Variants in SYNDIG1L observed in about 807,000 individuals in gnomAD.
The protein encoded by SYNDIG1L is synapse differentiation-inducing gene protein 1-like.
In SYNDIG1L, 13 loss-of-function variants were observed where a neutral mutation model predicts 20.1. The ratio of observed to expected loss-of-function variants is 0.65; its 90% confidence interval spans 0.42 to 1.03. SYNDIG1L has a LOEUF of 1.03. SYNDIG1L is among the 50% of genes least tolerant of loss of function. The probability of loss-of-function intolerance (pLI) is 0.00; values close to 1 mark genes in which losing one functional copy is unlikely to be tolerated. For synonymous variants in SYNDIG1L, 128 were observed against 129.3 expected (o/e 0.99, Z 0.07); for missense variants, 294 against 305.1 (o/e 0.96, Z 0.27).
At chr14:74,476,596 CAGA>C in the SYNDIG1L span, 2 of 1,534,190 alleles carry the variant, frequency 1.3e-6, no homozygotes, top group African/African-American at 1.4e-5. Flanking sequence ...GGAACATCTG[CAGA>C]AAGTAGAAGA....
the SYNDIG1L span, among the ~76,000 whole-genome samples, chr14:74,443,463 T>C: frequency 4.6e-5 from 7 of 151,868 alleles, no homozygotes; most frequent in Non-Finnish European, 4.4e-5. Flanking sequence ...TGAGAGGAAA[T>C]AACCACAGTA....
the SYNDIG1L span, among the ~76,000 whole-genome samples, chr14:74,455,144 G>A: frequency 6.6e-6 from 1 of 152,202 alleles, no homozygotes; most frequent in African/African-American, 2.4e-5. Flanking sequence ...GCCTGTCCTG[G>A]AGATTTCAGA....
chr14:74,453,889 TG>T, the SYNDIG1L span, among the ~76,000 whole-genome samples: 2 of 151,952 alleles, frequency 1.3e-5, no homozygotes, highest in Non-Finnish European at 2.9e-5. Flanking sequence ...TGCTTGAAAC[TG>T]GGGAGGCGGA....
At chr14:74,440,238 G>T in the SYNDIG1L span, among the ~76,000 whole-genome samples, 1 of 151,002 alleles carries the variant, frequency 6.6e-6, no homozygotes, top group Non-Finnish European at 1.5e-5. Context: ...AATTAAGGCC[G>T]GGCGCGGTGG....
the SYNDIG1L span, among the ~76,000 whole-genome samples, chr14:74,466,845 C>T: frequency 6.6e-6 from 1 of 152,224 alleles, no homozygotes; most frequent in Non-Finnish European, 1.5e-5. Flanking sequence ...ATTGCTCAAT[C>T]ACACATTGGA....
At chr14:74,454,990 A>G in the SYNDIG1L span, among the ~76,000 whole-genome samples, 1 of 152,218 alleles carries the variant, frequency 6.6e-6, no homozygotes, top group Non-Finnish European at 1.5e-5. Flanking sequence ...CTTTCAGTGA[A>G]GGAGATTATT....
the SYNDIG1L span, among the ~76,000 whole-genome samples, chr14:74,465,709 G>A: frequency 6.6e-6 from 1 of 152,150 alleles, no homozygotes; most frequent in Non-Finnish European, 1.5e-5. Context: ...GACTCCCAGT[G>A]GAGGGCCTGA....
chr14:74,461,461 C>T, the SYNDIG1L span, among the ~76,000 whole-genome samples: 1 of 152,196 alleles, frequency 6.6e-6, no homozygotes, highest in Non-Finnish European at 1.5e-5. Context: ...CTCCTTTGCT[C>T]TCTGGTCACA....
chr14:74,448,490 T>C, the SYNDIG1L span, among the ~76,000 whole-genome samples: 1 of 152,000 alleles, frequency 6.6e-6, no homozygotes, highest in Non-Finnish European at 1.5e-5. Context: ...TCAAAACACA[T>C]AAAGGAAAAA....
chr14:74,456,165 C>CT, the SYNDIG1L span, among the ~76,000 whole-genome samples: 1 of 152,172 alleles, frequency 6.6e-6, no homozygotes, highest in Non-Finnish European at 1.5e-5. Flanking sequence ...CTGTGTGCCA[C>CT]TAGATGGTCT....
the SYNDIG1L span, among the ~76,000 whole-genome samples, chr14:74,436,138 A>G: frequency 6.6e-6 from 1 of 152,078 alleles, no homozygotes. Context: ...ACAAATACAT[A>G]TATGTACAAA....
chr14:74,437,764 C>T, the SYNDIG1L span, among the ~76,000 whole-genome samples: 1 of 152,192 alleles, frequency 6.6e-6, no homozygotes, highest in Non-Finnish European at 1.5e-5. Context: ...CTCAGGCAAG[C>T]TTCATTGTGT....
the SYNDIG1L span, among the ~76,000 whole-genome samples, chr14:74,459,335 T>A: frequency 5.9e-5 from 9 of 152,066 alleles, no homozygotes; most frequent in Admixed American, 5.9e-4. Context: ...CGAAACCCTG[T>A]CTCTATAAAA....
upstream of SYNDIG1L, among the ~76,000 whole-genome samples, chr14:74,429,871 G>T (rs1340356311): frequency 6.6e-6 from 1 of 152,204 alleles, no homozygotes; most frequent in African/African-American, 2.4e-5. Flanking sequence ...TTTGGTTTGA[G>T]GCAGACCCCC....
At chr14:74,426,351 G>GCGGGT (rs1425609071), upstream of SYNDIG1L, among the ~76,000 whole-genome samples, 192 of 151,948 alleles carry the variant, frequency 1.3e-3, 1 homozygote, top group African/African-American at 4.4e-3. Context: ...GCGGGGCGGG[G>GCGGGT]CGGGAAGTCG....
the SYNDIG1L span, among the ~76,000 whole-genome samples, chr14:74,470,910 C>T: frequency 1.3e-5 from 2 of 152,132 alleles, no homozygotes; most frequent in East Asian, 1.9e-4. Context: ...ACTTTATCTG[C>T]GCTGATCTCA....
At chr14:74,419,850 GC>G (rs1169335661) in intron 1 of SYNDIG1L, among the ~76,000 whole-genome samples, 66 of 152,288 alleles carry the variant, frequency 4.3e-4, no homozygotes, top group Non-Finnish European at 8.2e-4. Context: ...AGAGGTTATA[GC>G]ACAAAAGCAT....
the SYNDIG1L span, among the ~76,000 whole-genome samples, chr14:74,432,473 G>T: frequency 6.6e-6 from 1 of 152,138 alleles, no homozygotes; most frequent in Non-Finnish European, 1.5e-5. Flanking sequence ...GCTCTGTCAT[G>T]TCAATGAGAA....
chr14:74,431,423 C>T, the SYNDIG1L span, among the ~76,000 whole-genome samples: 9 of 152,010 alleles, frequency 5.9e-5, no homozygotes, highest in Admixed American at 3.9e-4. Context: ...CTTGGGGAAG[C>T]TGGAGAACTT....
Sources: gnomAD v4.1 joint callset for allele counts (sites outside exome capture counted in the v4.1 genomes callset) on GRCh38, gnomAD v4.1.1 for gene constraint, MANE v1.5 for transcripts, NCBI Gene and HGNC (gene_info 2026-07-23, HGNC 2026-07-21) for gene names.